The following SEMA3C variants were observed in gnomAD, a reference collection of about 807,000 sequenced individuals.
The protein encoded by SEMA3C is semaphorin 3C.
In SEMA3C, 47 loss-of-function variants were observed where a neutral mutation model predicts 89.4. The ratio of observed to expected loss-of-function variants is 0.53; its 90% CI spans 0.42 to 0.67. The LOEUF (loss-of-function observed/expected upper bound fraction) is 0.67. SEMA3C is among the 30% of genes least tolerant of loss of function. The pLI, the probability that SEMA3C is intolerant of heterozygous loss-of-function variation, is 0.00. For synonymous variants in SEMA3C, 310 were observed against 320.2 expected, an observed-to-expected ratio of 0.97 and a Z score of 0.34; for missense variants, 839 against 929.1, an observed-to-expected ratio of 0.90 and a Z score of 1.26.
intron 13 of SEMA3C, among the ~76,000 whole-genome samples, chr7:80,763,397 G>A (rs193172458): frequency 1.3e-5 from 2 of 152,200 alleles, no homozygotes; most frequent in East Asian, 3.9e-4. Context: ...TTCAGTAACT[G>A]TGTTTCCTGA....
chr7:80,895,698 T>C (rs886185619), intron 2 of SEMA3C, among the ~76,000 whole-genome samples: 11 of 152,216 alleles, frequency 7.2e-5, no homozygotes, highest in African/African-American at 2.6e-4. Flanking sequence ...ATTATCTAGG[T>C]GGAAACAATT....
At chr7:80,775,442 A>G (rs1788525428) in intron 12 of SEMA3C, among the ~76,000 whole-genome samples, 1 of 152,140 alleles carries the variant, frequency 6.6e-6, no homozygotes, top group Non-Finnish European at 1.5e-5. Context: ...AAAGCCAAAC[A>G]GACCTATATG....
chr7:80,885,639 CT>C (rs1187176722), intron 2 of SEMA3C, among the ~76,000 whole-genome samples: 1 of 152,054 alleles, frequency 6.6e-6, no homozygotes, highest in Non-Finnish European at 1.5e-5. Context: ...AACAAATATC[CT>C]GTATATTGGT....
intron 10 of SEMA3C, 139 bp downstream of exon 10, chr7:80,800,618 A>C (rs1789179330): frequency 1.9e-6 from 1 of 524,124 alleles, no homozygotes; most frequent in Non-Finnish European, 3.4e-6. Context: ...TAATCAGGCA[A>C]AAGTAAATAA....
intron 2 of SEMA3C, among the ~76,000 whole-genome samples, chr7:80,870,959 A>G (rs1791042733): frequency 6.6e-6 from 1 of 152,150 alleles, no homozygotes; most frequent in South Asian, 2.1e-4. Context: ...TTTTTGCCTG[A>G]CTGAGTTTAG....
chr7:80,825,275 G>A (rs934896749), intron 4 of SEMA3C, among the ~76,000 whole-genome samples: 1 of 152,050 alleles, frequency 6.6e-6, no homozygotes, highest in Non-Finnish European at 1.5e-5. Flanking sequence ...TTCTTGCACA[G>A]ACCAAACATG....
rs1787737856 is a variant in SEMA3C at position 80,743,911 on chromosome 7, T to A, written c.*983A>T. The stretch of plus-strand genomic sequence containing the variant: ...TTAATAAAAGGAAGAATCATTGAAT[T>A]TGAGTACTGAAGTTGAAAACTAGCC... On this transcript the variant is annotated 3_prime_UTR_variant, in exon 18 of 18. Transcript: ENST00000265361. 6.6e-6 allele frequency: 1 copy of A among 152,024 alleles called. No individual in the cohort carries two copies. The highest frequency in any genetic ancestry group is 2.4e-5 in the African/African-American group (1 of 41,438). The allele number at this position is 152,024 out of a possible 1,614,324, so 9.4% of individuals were successfully genotyped here.
In SEMA3C at chr7:80,767,446, C is replaced by A. The variant is rs1241254393; in HGVS notation, c.1355-2203G>T. ...AAGATTTATAAATGGTTTCACAAGT[C>A]ATGTAAACATTATGCATATAATCAT... On this transcript the variant is annotated intron_variant, in intron 12 of 17. Coordinates refer to ENST00000265361, the MANE Select transcript of SEMA3C (RefSeq NM_006379.5). Among the ~76,000 whole-genome samples the A allele has an allele frequency of 1.2e-4, 19 of 152,096 alleles. 1 individual carries two copies.
chr7:80,863,846 A>ATATCACATACATATG (rs1491001082), intron 2 of SEMA3C, among the ~76,000 whole-genome samples: 1 of 113,426 alleles, frequency 8.8e-6, no homozygotes, highest in African/African-American at 4.6e-5. Flanking sequence ...TATATATCAC[A>ATATCACATACATATG]TATCACATAC....
chr7:80,838,950 T>A (rs1211712758), intron 2 of SEMA3C, among the ~76,000 whole-genome samples: 1 of 152,182 alleles, frequency 6.6e-6, no homozygotes, highest in African/African-American at 2.4e-5. Context: ...ATATTTTACT[T>A]GTGTTGTGTA....
In SEMA3C at chr7:80,804,143, G is replaced by A. The variant is rs373225376; in HGVS notation, c.764C>T (p.Thr255Met). ...AGCAATCATGGAATGAATCTGTTTC[G>A]TGCTCCTGTTATTGTCAGTCAGTTT... The part of the protein sequence containing the change: ...KEKLTDNNRS[T>M]KQIHSMIARI... The change falls in exon 8 of 18, where the codon ACG (threonine) becomes ATG (methionine). Residue 255 changes from threonine to methionine, a missense_variant. Physicochemically the swap from Thr to Met is moderately conservative, Grantham distance 81. Coordinates refer to ENST00000265361, the MANE Select transcript of SEMA3C (RefSeq NM_006379.5). The A allele has an allele frequency of 3.7e-5, 60 of 1,612,426 alleles. No individual in the cohort carries two copies. The highest frequency in any genetic ancestry group is 2.1e-4 in the South Asian group (19 of 90,898).
At chr7:80,879,261 A>G (rs1791278067) in intron 2 of SEMA3C, among the ~76,000 whole-genome samples, 2 of 152,242 alleles carry the variant, frequency 1.3e-5, no homozygotes, top group Admixed American at 6.5e-5. Flanking sequence ...TTAATGGAAA[A>G]TGGAAATGGG....
At chr7:80,898,975 T>C (rs1212516973) in intron 2 of SEMA3C, among the ~76,000 whole-genome samples, 2 of 152,198 alleles carry the variant, frequency 1.3e-5, no homozygotes, top group African/African-American at 4.8e-5. Flanking sequence ...CACAAATGGA[T>C]AAAAATGAAG....
chr7:80,912,131 G>A (rs1053130029), intron 2 of SEMA3C, among the ~76,000 whole-genome samples: 14 of 152,144 alleles, frequency 9.2e-5, no homozygotes, highest in African/African-American at 3.4e-4. Context: ...AAACTCACCT[G>A]GAACAGTAAT....
chr7:80,756,103 C>T (rs912910083), intron 15 of SEMA3C, among the ~76,000 whole-genome samples: 8 of 152,314 alleles, frequency 5.3e-5, no homozygotes, highest in Admixed American at 2.0e-4. Context: ...ACTGCCTACT[C>T]AATATCCGTG....
At chr7:80,759,902 C>T (rs1788145468) in intron 14 of SEMA3C, among the ~76,000 whole-genome samples, 1 of 152,126 alleles carries the variant, frequency 6.6e-6, no homozygotes, top group Non-Finnish European at 1.5e-5. Flanking sequence ...GCAAATTTAT[C>T]AGCTTCATTA....
At chr7:80,840,348 T>C (rs1208968126) in intron 2 of SEMA3C, among the ~76,000 whole-genome samples, 1 of 151,586 alleles carries the variant, frequency 6.6e-6, no homozygotes, top group African/African-American at 2.4e-5. Context: ...GGCAAGACCA[T>C]GTCTCTACAA....
chr7:80,825,703 G>C (rs1397493259), intron 4 of SEMA3C, among the ~76,000 whole-genome samples: 1 of 152,006 alleles, frequency 6.6e-6, no homozygotes, highest in Non-Finnish European at 1.5e-5. Flanking sequence ...TTTGAACAAA[G>C]GACAATGCAA....
intron 3 of SEMA3C, among the ~76,000 whole-genome samples, 189 bp downstream of exon 3, chr7:80,828,396 G>A (rs768399423): frequency 7.9e-5 from 12 of 151,980 alleles, no homozygotes; most frequent in Admixed American, 2.6e-4. Flanking sequence ...AAAAACTATG[G>A]AACTAGACGA....
Sources: allele counts gnomAD v4.1 joint callset (sites outside exome capture counted in the v4.1 genomes callset), GRCh38; gene constraint gnomAD v4.1.1; transcripts MANE v1.5; gene names NCBI Gene and HGNC (gene_info 2026-07-23, HGNC 2026-07-21).